GNRH1: variants seen among roughly 807,000 people sequenced by gnomAD.
The protein encoded by GNRH1 is gonadotropin releasing hormone 1, also known as progonadoliberin-1.
A neutral mutation model predicts 13.6 loss-of-function variants in GNRH1; 9 were observed. The observed-to-expected ratio is 0.66, with a 90% CI of 0.40 to 1.15. GNRH1 has a LOEUF of 1.15. GNRH1 is among the 50% of genes most tolerant of loss of function. GNRH1 has a pLI of 0.01. For missense variants in GNRH1, 116 were observed against 110.8 expected, an observed-to-expected ratio of 1.05 and a Z score of -0.21; for synonymous variants, 44 against 40.1, an observed-to-expected ratio of 1.10 and a Z score of -0.37.
intron 1 of GNRH1, 38 bp downstream of exon 1, chr8:25,424,163 A>G (rs1305515572): frequency 1.3e-5 from 2 of 152,238 alleles, no homozygotes; most frequent in African/African-American, 4.8e-5. Flanking sequence ...AATCTAAAGA[A>G]GAAAAACTCG....
intron 2 of GNRH1, among the ~76,000 whole-genome samples, chr8:25,422,858 T>C (rs527951563): frequency 6.6e-6 from 1 of 152,344 alleles, no homozygotes; most frequent in South Asian, 2.1e-4. Context: ...CTAACGTTTT[T>C]TCCAAATCCC....
intron 3 of GNRH1, among the ~76,000 whole-genome samples, chr8:25,419,740 G>C (rs372844685): frequency 6.6e-6 from 1 of 151,858 alleles, no homozygotes; most frequent in East Asian, 2.0e-4. Context: ...TCGTGCCTCA[G>C]CCTCTCTAGT....
At chr8:25,423,617 A>G (rs140324564) in intron 1 of GNRH1, 7 of 414,300 alleles carry the variant, frequency 1.7e-5, no homozygotes, top group African/African-American at 1.0e-4. Context: ...TCCAAACCCC[A>G]TAATTCATCC....
rs1177801300 is a variant in GNRH1 at position 25,420,185 on chromosome 8, G to A, written c.238-725C>T. 3.0e-4 allele frequency among the ~76,000 whole-genome samples: 46 copies of A among 151,982 alleles called. 1 individual carries two copies. The highest frequency in any genetic ancestry group is 5.9e-5 in the Non-Finnish European group (4 of 67,998). On this transcript the variant is annotated intron_variant, in intron 3 of 3. Transcript: ENST00000421054. ...AATCCCAGCACTTTGGGAGGCCGAGGTGGGCGGATCACAAGGTTAAGGGAT... is the reference window on the plus strand; with the variant it reads ...AATCCCAGCACTTTGGGAGGCCGAGATGGGCGGATCACAAGGTTAAGGGAT...
At position 25,421,682 on chromosome 8, in the gene GNRH1, A is replaced by G; in HGVS notation, c.142-14T>C. The G allele has an allele frequency of 1.7e-6, 2 of 1,209,202 alleles. No individual in the cohort carries two copies. The highest frequency in any genetic ancestry group is 1.8e-5 in the Admixed American group (1 of 54,094). The allele number at this position is 1,209,202 out of a possible 1,614,324, so 74.9% of individuals were successfully genotyped here. On this transcript the variant is annotated splice_polypyrimidine_tract_variant and intron_variant, in intron 2 of 3. Transcript: ENST00000421054. Reference sequence around the variant, plus strand: ...CTCTTTGACTATCTGAAGAAAGAGAATGTGATGCTTTGAGATGGAGATAAA... The same window carrying G: ...CTCTTTGACTATCTGAAGAAAGAGAGTGTGATGCTTTGAGATGGAGATAAA...
chr8:25,422,561 A>G (rs542194992), intron 2 of GNRH1, among the ~76,000 whole-genome samples: 11 of 152,148 alleles, frequency 7.2e-5, no homozygotes, highest in African/African-American at 2.4e-4. Context: ...AAATAACCCC[A>G]AAAAACAAGA....
chr8:25,422,473 A>G (rs1263857757), intron 2 of GNRH1, among the ~76,000 whole-genome samples: 5 of 152,178 alleles, frequency 3.3e-5, no homozygotes, highest in African/African-American at 9.7e-5. Flanking sequence ...ACTTGAGCCC[A>G]AGAAGTCAAG....
chr8:25,421,944 G>A (rs917742790), intron 2 of GNRH1, among the ~76,000 whole-genome samples: 1 of 152,002 alleles, frequency 6.6e-6, no homozygotes, highest in Non-Finnish European at 1.5e-5. Context: ...TGAGCCTCAT[G>A]AGAGTCAGTA....
intron 3 of GNRH1, among the ~76,000 whole-genome samples, chr8:25,420,888 G>A (rs1288424881): frequency 6.6e-6 from 1 of 152,074 alleles, no homozygotes. Flanking sequence ...GCAAGATCCT[G>A]TCTCAACAAA....
Position 25,423,226 on chromosome 8 carries a change from C to T in GNRH1, c.105G>A (p.Lys35=), listed in dbSNP as rs1389662593. 1 of 1,613,300 alleles carries T rather than the reference C, an allele frequency of 6.2e-7. No homozygotes were observed. Among genetic ancestry groups the T allele is most frequent in the Admixed American group, 1.7e-5 (1 of 60,014 alleles). The stretch of plus-strand genomic sequence containing the variant: ...AATCAATCAAATTTTCGGCATCTCT[C>T]TTTCCTCCAGGGCGCAGTCCATAGG... The part of the protein sequence containing the change: ...HWSYGLRPGG[K]RDAENLIDSF... The change falls in exon 2 of 4, where the codon AAG becomes AAA. Residue 35 remains lysine, a synonymous_variant. Transcript: ENST00000421054.
chr8:25,420,664 A>C (rs1110444), intron 3 of GNRH1, among the ~76,000 whole-genome samples: 1 of 152,064 alleles, frequency 6.6e-6, no homozygotes, highest in African/African-American at 2.4e-5. Context: ...GCACTTTGGG[A>C]GGATCTTGAG....
rs775770924 is a variant in GNRH1 at position 25,423,313 on chromosome 8, T to A, written c.18A>T (p.Lys6Asn). The A allele has an allele frequency of 1.2e-6, 2 of 1,612,838 alleles. No homozygotes were observed. Among genetic ancestry groups the A allele is most frequent in the Non-Finnish European group, 1.7e-6 (2 of 1,178,960 alleles). ...TCAGTAGAATAAGGCCAGCTAGGAG[T>A]TTTTGAATTGGCTTCATTCTAAGGC... is the stretch of plus-strand genomic sequence containing the variant. MKPIQ[K>N]LLAGLILLTW... The change falls in exon 2 of 4, where the codon AAA (lysine) becomes AAT (asparagine). Residue 6 changes from lysine (K) to asparagine (N), a missense_variant. Transcript: ENST00000421054.
intron 2 of GNRH1, 66 bp from the exon 3 acceptor site, chr8:25,421,734 A>T: frequency 1.2e-6 from 1 of 817,826 alleles, no homozygotes. Flanking sequence ...TTCCATTTCC[A>T]CCAAAAAATT....
chr8:25,421,411 A>G (rs569228213), intron 3 of GNRH1, among the ~76,000 whole-genome samples, 162 bp downstream of exon 3: 5 of 152,324 alleles, frequency 3.3e-5, no homozygotes, highest in African/African-American at 1.2e-4. Context: ...CTAACCACCA[A>G]CTGGGATTGT....
At chr8:25,421,752 GT>G (rs2117368199) in intron 2 of GNRH1, 84 bp from the exon 3 acceptor site, 1 of 643,834 alleles carries the variant, frequency 1.6e-6, no homozygotes, top group Non-Finnish European at 2.9e-6. Context: ...ATTGTGGAGA[GT>G]GGGGTCAAGG....
chr8:25,421,758 T>C, intron 2 of GNRH1, 90 bp from the exon 3 acceptor site: 2 of 428,950 alleles, frequency 4.7e-6, no homozygotes, highest in Non-Finnish European at 4.6e-6. Context: ...GAGAGTGGGG[T>C]CAAGGGGGAT....
At chr8:25,424,086 T>G (rs1801811027) in intron 1 of GNRH1, 115 bp downstream of exon 1, 1 of 152,360 alleles carries the variant, frequency 6.6e-6, no homozygotes. Flanking sequence ...AGGACATCAT[T>G]AGATACCGTC....
Position 25,419,414 on chromosome 8 carries a change from T to A in GNRH1, c.*5A>T, listed in dbSNP as rs1434226278. 1 of 1,449,234 alleles carries A rather than the reference T, an allele frequency of 6.9e-7. No individual in the cohort carries two copies. The highest frequency in any genetic ancestry group is 1.4e-5 in the African/African-American group (1 of 71,844). The allele number at this position is 1,449,234 out of a possible 1,614,324, so 89.8% of individuals were successfully genotyped here. On this transcript the variant is annotated 3_prime_UTR_variant, in exon 4 of 4. Coordinates refer to ENST00000421054, the MANE Select transcript of GNRH1 (RefSeq NM_001083111.2). ...GTAATGGTCATTCCTTCTGGCCCAA[T>A]GGATTTAAATCTTCTTCTGCCCAGT... is the stretch of plus-strand genomic sequence containing the variant.
intron 2 of GNRH1, 64 bp downstream of exon 2, chr8:25,423,126 A>G: frequency 8.4e-7 from 1 of 1,186,654 alleles, no homozygotes; most frequent in East Asian, 2.3e-5. Context: ...GCTATCCTGA[A>G]TGTTTAATAT....
Sources: gnomAD v4.1 joint callset for allele counts (sites outside exome capture counted in the v4.1 genomes callset) on GRCh38, gnomAD v4.1.1 for gene constraint, MANE v1.5 for transcripts, NCBI Gene and HGNC (gene_info 2026-07-23, HGNC 2026-07-21) for gene names.